LMOD1: variants seen among roughly 807,000 people sequenced by gnomAD.
LMOD1 encodes leiomodin 1, also known as leiomodin-1.
A neutral mutation model predicts 36.5 loss-of-function variants in LMOD1; 8 were observed. The ratio of observed to expected loss-of-function variants is 0.22; its 90% CI spans 0.13 to 0.40. LMOD1 has a LOEUF of 0.40. LMOD1 is among the 10% of genes least tolerant of loss of function. The pLI is 1.00. For synonymous variants in LMOD1, 284 were observed against 288.7 expected (o/e 0.98, Z 0.17); for missense variants, 630 against 751.1 (o/e 0.84, Z 1.88).
chr1:201,932,899 TA>T (rs1681949554), intron 1 of LMOD1, among the ~76,000 whole-genome samples: 1 of 152,130 alleles, frequency 6.6e-6, no homozygotes, highest in African/African-American at 2.4e-5. Context: ...AAGAAGAAAT[TA>T]AAGTTCACTA....
At chr1:201,940,003 C>T (rs1232637570) in intron 1 of LMOD1, among the ~76,000 whole-genome samples, 1 of 152,086 alleles carries the variant, frequency 6.6e-6, no homozygotes, top group African/African-American at 2.4e-5. Context: ...TCCCAGAATC[C>T]CTGAAGCCTC....
Position 201,923,897 on chromosome 1 carries a change from GA to G in LMOD1, c.261+22182del, listed in dbSNP as rs1457906238. ...GAAAGAAGAAAAAGAGAGAGAGAGAGAGAGAGGGAGGGAGAGAGAGAGAGAG... is the reference window on the plus strand; with the variant it reads ...GAAAGAAGAAAAAGAGAGAGAGAGAGGAGAGGGAGGGAGAGAGAGAGAGAG... On this transcript the variant is annotated intron_variant, in intron 1 of 2. Coordinates refer to ENST00000367288, the MANE Select transcript of LMOD1 (RefSeq NM_012134.3). Among the ~76,000 whole-genome samples, 8 of 141,402 alleles carry G rather than the reference GA, an allele frequency of 5.7e-5. No individual in the cohort carries two copies. In the East Asian group the frequency reaches 8.3e-4, roughly 15 times the overall value. The allele number at this position is 141,402 out of a possible 152,430, so 92.8% of individuals were successfully genotyped here.
intron 1 of LMOD1, among the ~76,000 whole-genome samples, chr1:201,935,639 C>A (rs933807780): frequency 4.6e-5 from 7 of 152,010 alleles, no homozygotes; most frequent in African/African-American, 1.7e-4. Context: ...TCACTGCAAC[C>A]TCCACCTCCT....
Position 201,932,611 on chromosome 1 carries a change from G to C in LMOD1, c.261+13469C>G, listed in dbSNP as rs560926615. Among the ~76,000 whole-genome samples the C allele has an allele frequency of 2.6e-5, 4 of 152,096 alleles. No individual in the cohort carries two copies. The East Asian group carries it at 7.7e-4, about 29-fold the overall frequency. On this transcript the variant is annotated intron_variant, in intron 1 of 2. Transcript: ENST00000367288. ...TACTCAAAATAAAAAAATTAGCCAG[G>C]TATGGTGGTGCACACCTGTAGTCAG...
chr1:201,944,408 C>T (rs142044707), intron 1 of LMOD1, among the ~76,000 whole-genome samples: 55 of 152,234 alleles, frequency 3.6e-4, no homozygotes, highest in African/African-American at 1.3e-3. Flanking sequence ...TGGAAGCTAC[C>T]GGACACAAGG....
At chr1:201,907,080 GA>G (rs1681424066) in intron 1 of LMOD1, among the ~76,000 whole-genome samples, 1 of 152,206 alleles carries the variant, frequency 6.6e-6, no homozygotes, top group African/African-American at 2.4e-5. Context: ...ATTGCCCCTA[GA>G]AAACTACAGG....
chr1:201,919,690 C>G (rs1681668442), intron 1 of LMOD1, among the ~76,000 whole-genome samples: 1 of 152,196 alleles, frequency 6.6e-6, no homozygotes, highest in Non-Finnish European at 1.5e-5. Context: ...GCCTGCCATT[C>G]CAGCCTGACT....
chr1:201,901,090 G>A (rs570224958), intron 1 of LMOD1, among the ~76,000 whole-genome samples: 3 of 152,310 alleles, frequency 2.0e-5, no homozygotes, highest in South Asian at 4.1e-4. Flanking sequence ...CTGCTTCCAA[G>A]CAATGCCCTG....
At chr1:201,924,660 GAAAAA>G (rs1224538245) in intron 1 of LMOD1, among the ~76,000 whole-genome samples, 6 of 122,850 alleles carry the variant, frequency 4.9e-5, no homozygotes, top group African/African-American at 1.6e-4. Context: ...GAGAAAGAAA[GAAAAA>G]AAAGAAAGAA....
At chr1:201,916,378 G>A (rs780215752) in intron 1 of LMOD1, among the ~76,000 whole-genome samples, 10 of 152,064 alleles carry the variant, frequency 6.6e-5, no homozygotes, top group Non-Finnish European at 1.2e-4. Flanking sequence ...GCCAGGCGTG[G>A]TGGCATGTGC....
Position 201,946,315 on chromosome 1 carries a change from C to G in LMOD1, c.26G>C (p.Arg9Pro). 1 of 1,613,904 alleles carries G rather than the reference C, an allele frequency of 6.2e-7. No homozygotes were observed. Among genetic ancestry groups the G allele is most frequent in the Non-Finnish European group, 8.5e-7 (1 of 1,179,860 alleles). The change falls in exon 1 of 3, where the codon CGG becomes CCG. Residue 9 changes from arginine to proline, a missense_variant. Around this residue, in one of 3 missense-constraint regions of LMOD1, gnomAD observed 405 missense variants for 400.6 expected, o/e 1.01. Transcript: ENST00000367288. Reference sequence around the variant, plus strand: ...GATGTCGGGGTCTTCACTCACCTGCCGGCGATATTTGGCTACTCTAGACAT... The same window carrying G: ...GATGTCGGGGTCTTCACTCACCTGCGGGCGATATTTGGCTACTCTAGACAT... MSRVAKYR[R>P]QVSEDPDIDS...
At chr1:201,928,474 G>C (rs939535724) in intron 1 of LMOD1, among the ~76,000 whole-genome samples, 1 of 152,174 alleles carries the variant, frequency 6.6e-6, no homozygotes, top group African/African-American at 2.4e-5. Context: ...ACATACCCAA[G>C]CACTGGGCCT....
intron 1 of LMOD1, among the ~76,000 whole-genome samples, chr1:201,901,060 T>C (rs1436830065): frequency 6.6e-6 from 1 of 152,180 alleles, no homozygotes; most frequent in African/African-American, 2.4e-5. Flanking sequence ...CCCTTTCCTA[T>C]CATGGGTGAT....
rs12750063 is a variant in LMOD1, at chr1:201,901,643, T to C, written c.262-892A>G. Among the ~76,000 whole-genome samples the C allele has an allele frequency of 2.3e-3, 171 of 75,514 alleles. 11 individuals carry two copies. In the South Asian group the frequency reaches 0.025, roughly 11 times the overall value. The allele number at this position is 75,514 out of a possible 152,430, so 49.5% of individuals were successfully genotyped here. On this transcript the variant is annotated intron_variant, in intron 1 of 2. Transcript: ENST00000367288. Reference sequence around the variant, plus strand: ...ATATGTGTGTGTGTATATATATATATATATACATATATATGTGTATATATA... The same window carrying C: ...ATATGTGTGTGTGTATATATATATACATATACATATATATGTGTATATATA...
chr1:201,913,421 C>T (rs1485516146), intron 1 of LMOD1, among the ~76,000 whole-genome samples: 2 of 152,126 alleles, frequency 1.3e-5, no homozygotes, highest in African/African-American at 4.8e-5. Flanking sequence ...GCCTGGGCAA[C>T]ATGGTGAAAC....
intron 1 of LMOD1, among the ~76,000 whole-genome samples, chr1:201,901,547 TATATAC>T (rs1378158153): frequency 0.046 from 2,026 of 43,774 alleles, 133 homozygotes; most frequent in Non-Finnish European, 0.057. Context: ...TATATATATA[TATATAC>T]ATATATATAT....
In LMOD1 at chr1:201,900,124, T is replaced by C. The variant is rs1681270935; in HGVS notation, c.889A>G (p.Ser297Gly). 6.2e-7 allele frequency: 1 copy of C among 1,613,956 alleles called. No homozygotes were observed. The highest frequency in any genetic ancestry group is 8.5e-7 in the Non-Finnish European group (1 of 1,179,864). ...KTKTPEKQTPSGPTKPSEGPA... is the reference protein window; with the variant it reads ...KTKTPEKQTPGGPTKPSEGPA... ...CCTTCAGAGGGCTTGGTGGGGCCAC[T>C]GGGCGTCTGTTTCTCGGGTGTTTTG... Residue 297 changes from serine (S) to glycine (G), a missense_variant, in exon 2 of 3, where the codon AGT becomes GGT. By Grantham distance (56) the Ser-to-Gly change is moderately conservative. This residue lies in a region of LMOD1 where 405 missense variants were observed against 400.6 expected (regional missense o/e 1.01). Coordinates refer to ENST00000367288, the MANE Select transcript of LMOD1 (RefSeq NM_012134.3).
At chr1:201,914,476 T>C (rs908365155) in intron 1 of LMOD1, among the ~76,000 whole-genome samples, 1 of 152,190 alleles carries the variant, frequency 6.6e-6, no homozygotes, top group African/African-American at 2.4e-5. Flanking sequence ...ATCCACTTCC[T>C]GTGGCTGCAC....
At chr1:201,929,774 T>A (rs1402518361) in intron 1 of LMOD1, among the ~76,000 whole-genome samples, 1 of 152,136 alleles carries the variant, frequency 6.6e-6, no homozygotes, top group Non-Finnish European at 1.5e-5. Context: ...GCTGGGGACA[T>A]GAAGATGAAT....
Sources: allele counts gnomAD v4.1 joint callset (sites outside exome capture counted in the v4.1 genomes callset), GRCh38; gene constraint gnomAD v4.1.1; regional missense constraint gnomAD v4.1.1; transcripts MANE v1.5; gene names NCBI Gene and HGNC (gene_info 2026-07-23, HGNC 2026-07-21).